The following GRIK1 variants were observed in gnomAD, a reference collection of about 807,000 sequenced individuals.
GRIK1 encodes glutamate ionotropic receptor kainate type subunit 1, also known as glutamate receptor ionotropic, kainate 1.
GRIK1 carries 69 observed loss-of-function variants against 105.7 expected under a neutral mutation model. That is an observed-to-expected ratio of 0.65 (90% CI 0.54 to 0.80). The LOEUF is 0.80. Ranked by LOEUF, GRIK1 falls within the 30% of genes least tolerant of loss-of-function variation. The probability of loss-of-function intolerance (pLI) is 0.00; values close to 1 mark genes in which losing one functional copy is unlikely to be tolerated. For synonymous variants in GRIK1, 438 were observed against 431.3 expected, an observed-to-expected ratio of 1.02 and a Z score of -0.19; for missense variants, 1,109 against 1,167.3, an observed-to-expected ratio of 0.95 and a Z score of 0.73.
At chr21:29,699,830 G>C (rs533811062) in intron 1 of GRIK1, among the ~76,000 whole-genome samples, 6 of 151,868 alleles carry the variant, frequency 4.0e-5, no homozygotes, top group Non-Finnish European at 8.8e-5. Flanking sequence ...TGTATTTTTA[G>C]TACAGAGAGG....
intron 1 of GRIK1, among the ~76,000 whole-genome samples, chr21:29,924,352 A>G (rs1033210973): frequency 1.3e-5 from 2 of 151,968 alleles, no homozygotes; most frequent in Non-Finnish European, 2.9e-5. Context: ...AAAAAAAGAA[A>G]AAAAAGAAAA....
rs1177767721 is a variant in GRIK1 at position 29,939,618 on chromosome 21, T to G, written c.-118A>C. On this transcript the variant is annotated 5_prime_UTR_variant, in exon 1 of 18. Coordinates refer to ENST00000327783, the MANE Select transcript of GRIK1 (RefSeq NM_001330994.2). ...CTGGATGCTCCGGTTCCAAGCACGC[T>G]GCGCGCTCCCCACGGAGCGAGCTCG... 1.6e-6 allele frequency: 1 copy of G among 625,246 alleles called. No homozygotes were observed. Among genetic ancestry groups the G allele is most frequent in the East Asian group, 3.2e-5 (1 of 30,952 alleles). 38.7% of individuals were successfully genotyped at this position (625,246 alleles called of 1,614,324 possible). A position where few individuals can be genotyped will look rare whatever the true frequency, so the allele number is the denominator to read the frequency against.
chr21:29,685,847 G>A (rs888564832), intron 3 of GRIK1, among the ~76,000 whole-genome samples: 17 of 152,156 alleles, frequency 1.1e-4, no homozygotes, highest in African/African-American at 3.4e-4. Flanking sequence ...GTCATAGAAA[G>A]TAGAATTTCA....
chr21:29,642,919 C>T lies in GRIK1; in HGVS notation c.1005G>A (p.Ser335=), dbSNP rs140145447. 3.4e-4 allele frequency: 555 copies of T among 1,613,678 alleles called. 2 individuals are homozygous for T. The African/African-American group carries it at 3.5e-3, about 10-fold the overall frequency. ...TGACGGTCAGCTGGGATGCCCGGTG[C>T]GAGGCAATGGCCACCATGTACACAG... is the stretch of plus-strand genomic sequence containing the variant. ...YDAVYMVAIA[S]HRASQLTVSS... The change falls in exon 7 of 18, where the codon TCG becomes TCA. Residue 335 remains serine (S), a synonymous_variant. Coordinates refer to ENST00000327783, the MANE Select transcript of GRIK1 (RefSeq NM_001330994.2).
chr21:29,696,703 T>C (rs191994112), intron 1 of GRIK1, among the ~76,000 whole-genome samples: 151 of 152,324 alleles, frequency 9.9e-4, no homozygotes, highest in Non-Finnish European at 1.8e-4. Context: ...GACTGTGTCT[T>C]ACTCAGAATC....
intron 1 of GRIK1, among the ~76,000 whole-genome samples, chr21:29,854,243 C>T (rs1392307194): frequency 2.6e-5 from 4 of 152,022 alleles, no homozygotes; most frequent in African/African-American, 4.8e-5. Context: ...TTTTAAATAA[C>T]CAGCTCTCAC....
Position 29,617,148 on chromosome 21 carries a change from T to C in GRIK1, c.1099-18211A>G, listed in dbSNP as rs186229781. On this transcript the variant is annotated intron_variant, in intron 7 of 17. Transcript: ENST00000327783. Reference sequence around the variant, plus strand: ...ACATTTCCAATTTAATTTTTAATAGTGTCATTACCAAGGCATTAAAAAGAA... The same window carrying C: ...ACATTTCCAATTTAATTTTTAATAGCGTCATTACCAAGGCATTAAAAAGAA... Among the ~76,000 whole-genome samples the C allele has an allele frequency of 5.4e-4, 82 of 152,348 alleles. No homozygotes were observed. In the Middle Eastern group the frequency reaches 0.01, roughly 19 times the overall value.
intron 1 of GRIK1, among the ~76,000 whole-genome samples, chr21:29,895,039 G>T (rs760525747): frequency 1.2e-4 from 19 of 152,180 alleles, no homozygotes; most frequent in Non-Finnish European, 2.2e-4. Flanking sequence ...TAATCCATGA[G>T]AATTGATACG....
intron 1 of GRIK1, among the ~76,000 whole-genome samples, chr21:29,880,793 C>T (rs556348382): frequency 6.6e-6 from 1 of 152,156 alleles, no homozygotes; most frequent in South Asian, 2.1e-4. Flanking sequence ...TGATAGTAGA[C>T]CCAGGAGCAG....
chr21:29,633,463 A>C (rs1197880428), intron 7 of GRIK1, among the ~76,000 whole-genome samples: 1 of 152,078 alleles, frequency 6.6e-6, no homozygotes, highest in Non-Finnish European at 1.5e-5. Context: ...GCACCACTGC[A>C]CTCCAGCTTG....
At chr21:29,542,315 C>T (rs1198037100) in intron 16 of GRIK1, among the ~76,000 whole-genome samples, 1 of 152,080 alleles carries the variant, frequency 6.6e-6, no homozygotes, top group African/African-American at 2.4e-5. Flanking sequence ...TTGCTGGCTT[C>T]ATGGCACCTC....
intron 14 of GRIK1, among the ~76,000 whole-genome samples, chr21:29,573,206 C>T (rs906975884): frequency 2.0e-5 from 3 of 152,170 alleles, no homozygotes; most frequent in Admixed American, 6.5e-5. Context: ...ATTGTTTCAT[C>T]ATTTTCCTGG....
intron 1 of GRIK1, among the ~76,000 whole-genome samples, chr21:29,832,565 G>A (rs79143502): frequency 0.054 from 8,194 of 152,250 alleles, 436 homozygotes; most frequent in African/African-American, 0.15. Context: ...CAAATCTTAT[G>A]GGTTGTACAC....
chr21:29,627,916 A>G (rs765932361), intron 7 of GRIK1, among the ~76,000 whole-genome samples: 51 of 152,224 alleles, frequency 3.4e-4, no homozygotes, highest in Non-Finnish European at 5.7e-4. Flanking sequence ...CATTTTATGG[A>G]TTTCAAAAAT....
chr21:29,732,263 G>A (rs2064650298), intron 1 of GRIK1, among the ~76,000 whole-genome samples: 1 of 152,118 alleles, frequency 6.6e-6, no homozygotes, highest in Non-Finnish European at 1.5e-5. Context: ...GGAAGTTTGG[G>A]AGAAAGGTAC....
At chr21:29,841,508 T>C (rs776917038) in intron 1 of GRIK1, among the ~76,000 whole-genome samples, 14 of 152,194 alleles carry the variant, frequency 9.2e-5, no homozygotes, top group Non-Finnish European at 1.9e-4. Context: ...AGTGTGATCT[T>C]CCCTATTCAC....
intron 15 of GRIK1, among the ~76,000 whole-genome samples, chr21:29,560,594 CTCCT>C (rs1406943047): frequency 1.3e-4 from 10 of 77,838 alleles, no homozygotes; most frequent in African/African-American, 4.8e-4. Flanking sequence ...CTTTCTTTCT[CTCCT>C]TCCTTCCTTC....
intron 1 of GRIK1, among the ~76,000 whole-genome samples, chr21:29,928,891 T>G (rs2071473680): frequency 6.6e-6 from 1 of 152,110 alleles, no homozygotes. Flanking sequence ...GAAAATAGAT[T>G]CAAAATAATT....
intron 1 of GRIK1, chr21:29,861,570 AGTGTGGGATTATAG>A (rs1048341526): frequency 4.8e-5 from 10 of 207,004 alleles, no homozygotes; most frequent in East Asian, 2.1e-4. Flanking sequence ...GGCCTCCCAA[AGTGTGGGATTATAG>A]GTGTGAGCCA....
Sources: gnomAD v4.1 joint callset for allele counts (sites outside exome capture counted in the v4.1 genomes callset) on GRCh38, gnomAD v4.1.1 for gene constraint, MANE v1.5 for transcripts, NCBI Gene and HGNC (gene_info 2026-07-23, HGNC 2026-07-21) for gene names.